Variants in FRMD6 observed in about 807,000 individuals in gnomAD.
FRMD6 encodes FERM domain-containing protein 6.
Under a neutral mutation model 73.2 loss-of-function variants are expected in FRMD6, and 37 were observed. The observed-to-expected ratio is 0.51, with a 90% CI of 0.39 to 0.66. The LOEUF (loss-of-function observed/expected upper bound fraction) is 0.66. Ranked by LOEUF, FRMD6 falls within the 30% of genes least tolerant of loss-of-function variation. FRMD6 has a pLI of 0.00. For missense variants in FRMD6, 714 were observed against 780.5 expected (o/e 0.91, Z 1.02); for synonymous variants, 273 against 282.2 (o/e 0.97, Z 0.33).
At chr14:51,483,867 A>G in the FRMD6 span, among the ~76,000 whole-genome samples, 1 of 152,254 alleles carries the variant, frequency 6.6e-6, no homozygotes, top group African/African-American at 2.4e-5. Flanking sequence ...TGTAACTCTT[A>G]GAACAACCCT....
chr14:51,695,731 A>T (rs1185640704), intron 2 of FRMD6, among the ~76,000 whole-genome samples: 1 of 152,150 alleles, frequency 6.6e-6, no homozygotes, highest in African/African-American at 2.4e-5. Flanking sequence ...AGTTCCTGGT[A>T]CTTCCAAGCA....
At chr14:51,489,383 G>C (rs1031243730) in exon 1 of FRMD6, 6 of 152,608 alleles carry the variant, frequency 3.9e-5, no homozygotes, top group Non-Finnish European at 7.3e-5. Context: ...GCCCCATTCT[G>C]AGAGCAGCAG....
At chr14:51,481,156 A>G in the FRMD6 span, among the ~76,000 whole-genome samples, 1 of 152,198 alleles carries the variant, frequency 6.6e-6, no homozygotes, top group Non-Finnish European at 1.5e-5. Flanking sequence ...ATACTTATAG[A>G]TACAAAACTT....
the FRMD6 span, among the ~76,000 whole-genome samples, chr14:51,421,942 T>C: frequency 6.6e-6 from 1 of 152,194 alleles, no homozygotes; most frequent in Admixed American, 6.5e-5. Context: ...GGATCTGCCA[T>C]AGGAAGTAGG....
intron 4 of FRMD6, among the ~76,000 whole-genome samples, chr14:51,702,008 C>G (rs1896354196): frequency 6.6e-6 from 1 of 151,880 alleles, no homozygotes; most frequent in South Asian, 2.1e-4. Flanking sequence ...ATCCTAGATC[C>G]TCTAATTTGT....
chr14:51,536,679 A>G (rs940420145), intron 1 of FRMD6, among the ~76,000 whole-genome samples: 1 of 151,954 alleles, frequency 6.6e-6, no homozygotes. Context: ...GGCCTCCCAA[A>G]CTGCTGGGAT....
chr14:51,615,662 A>G (rs1308943880), intron 2 of FRMD6, among the ~76,000 whole-genome samples: 2 of 152,184 alleles, frequency 1.3e-5, no homozygotes, highest in East Asian at 3.8e-4. Context: ...TGAAAATGAC[A>G]TGGTTCCTGC....
At chr14:51,532,238 G>A (rs1057476091) in intron 1 of FRMD6, among the ~76,000 whole-genome samples, 1 of 151,848 alleles carries the variant, frequency 6.6e-6, no homozygotes, top group Non-Finnish European at 1.5e-5. Context: ...GCGTGGTGGC[G>A]GGCACCTGTA....
intron 12 of FRMD6, among the ~76,000 whole-genome samples, chr14:51,722,309 C>T (rs1011194988): frequency 6.6e-6 from 1 of 152,188 alleles, no homozygotes; most frequent in Non-Finnish European, 1.5e-5. Context: ...GTGCTCCATG[C>T]TTTGGACAAA....
chr14:51,665,886 G>A (rs2140199586), intron 1 of FRMD6, among the ~76,000 whole-genome samples: 1 of 152,300 alleles, frequency 6.6e-6, no homozygotes, highest in Admixed American at 6.5e-5. Context: ...CGCCATATGA[G>A]TTGTGCCTTT....
intron 1 of FRMD6, among the ~76,000 whole-genome samples, chr14:51,544,933 A>T (rs1445487550): frequency 1.3e-5 from 2 of 152,126 alleles, no homozygotes; most frequent in African/African-American, 4.8e-5. Context: ...ATTACAACTC[A>T]GTATTTTCCA....
upstream of FRMD6, among the ~76,000 whole-genome samples, chr14:51,485,772 T>TATG (rs1314506119): frequency 6.6e-6 from 1 of 152,216 alleles, no homozygotes; most frequent in Non-Finnish European, 1.5e-5. Context: ...ATGCTGGATA[T>TATG]ATGTCTTCAT....
At chr14:51,725,501 A>G (rs1897899319) in intron 12 of FRMD6, among the ~76,000 whole-genome samples, 1 of 152,230 alleles carries the variant, frequency 6.6e-6, no homozygotes, top group African/African-American at 2.4e-5. Context: ...CTATAACTTC[A>G]TCATAAATAG....
At chr14:51,468,800 TTTCC>T in the FRMD6 span, among the ~76,000 whole-genome samples, 7 of 152,222 alleles carry the variant, frequency 4.6e-5, no homozygotes, top group Admixed American at 1.3e-4. Context: ...CTTGCTTTCA[TTTCC>T]TTCCTTCCTT....
At chr14:51,486,514 G>C (rs1882763417), upstream of FRMD6, among the ~76,000 whole-genome samples, 2 of 152,344 alleles carry the variant, frequency 1.3e-5, no homozygotes, top group South Asian at 2.1e-4. Context: ...CATTTATGAA[G>C]TTCTTACTGT....
intron 12 of FRMD6, among the ~76,000 whole-genome samples, chr14:51,722,698 G>A (rs572930921): frequency 6.6e-6 from 1 of 152,176 alleles, no homozygotes; most frequent in Admixed American, 6.5e-5. Context: ...TTTAAAAAAC[G>A]GCAGCAGTAT....
chr14:51,412,168 A>C, the FRMD6 span, among the ~76,000 whole-genome samples: 3 of 152,124 alleles, frequency 2.0e-5, no homozygotes, highest in Non-Finnish European at 4.4e-5. Context: ...GGAGGCTAAC[A>C]TGGCCACTCT....
At chr14:51,488,630 T>C (rs1012380976), upstream of FRMD6, among the ~76,000 whole-genome samples, 2 of 152,226 alleles carry the variant, frequency 1.3e-5, no homozygotes, top group Non-Finnish European at 2.9e-5. Context: ...TTTCATGATA[T>C]TGAATTTAAA....
chr14:51,530,092 A>T (rs1885493972), intron 1 of FRMD6, among the ~76,000 whole-genome samples: 1 of 152,228 alleles, frequency 6.6e-6, no homozygotes, highest in Admixed American at 6.5e-5. Flanking sequence ...TAAAAATTAC[A>T]TTATGTAAAT....
Sources: gnomAD v4.1 joint callset for allele counts (sites outside exome capture counted in the v4.1 genomes callset) on GRCh38, gnomAD v4.1.1 for gene constraint, MANE v1.5 for transcripts, NCBI Gene and HGNC (gene_info 2026-07-23, HGNC 2026-07-21) for gene names.